RFX3: variants seen among roughly 807,000 people sequenced by gnomAD.
RFX3 encodes the protein regulatory factor X3.
RFX3 carries 14 observed loss-of-function variants against 98.6 expected under a neutral mutation model. The observed-to-expected ratio is 0.14, with a 90% CI of 0.09 to 0.22. The LOEUF is 0.22. RFX3 is among the 10% of genes least tolerant of loss of function. The pLI is 1.00. For synonymous variants in RFX3, 383 were observed against 328.4 expected (o/e 1.17, Z -1.80); for missense variants, 639 against 926.9 (o/e 0.69, Z 4.03).
chr9:3,265,611 C>G (rs151176185), intron 12 of RFX3, among the ~76,000 whole-genome samples: 6 of 152,228 alleles, frequency 3.9e-5, no homozygotes, highest in Middle Eastern at 6.8e-3. Flanking sequence ...AGCAGCATGG[C>G]TAGTAGGAGA....
At chr9:3,430,998 AAG>A (rs1429399859) in intron 1 of RFX3, among the ~76,000 whole-genome samples, 1 of 152,234 alleles carries the variant, frequency 6.6e-6, no homozygotes, top group Non-Finnish European at 1.5e-5. Context: ...ATTTGCAGTC[AAG>A]AGAAGTGTAA....
chr9:3,278,651 A>T (rs1236345562), intron 7 of RFX3, among the ~76,000 whole-genome samples: 1 of 151,880 alleles, frequency 6.6e-6, no homozygotes, highest in Non-Finnish European at 1.5e-5. Context: ...GTAGAACATC[A>T]TACAAACTAA....
In RFX3 at chr9:3,348,712, T is replaced by A. The variant is rs539407619; in HGVS notation, c.118-1948A>T. 6.0e-4 allele frequency among the ~76,000 whole-genome samples: 92 copies of A among 152,230 alleles called. No individual in the cohort carries two copies. In the South Asian group the frequency reaches 0.018, roughly 30 times the overall value. On this transcript the variant is annotated intron_variant, in intron 2 of 16. Transcript: ENST00000617270. ...TCGGTGTGGTTTTTTATTTTGTTTT[T>A]GTTTGTATCCTTACGATTCTCAGCT...
intron 1 of RFX3, among the ~76,000 whole-genome samples, chr9:3,478,157 T>C (rs951008275): frequency 3.9e-5 from 6 of 152,164 alleles, no homozygotes; most frequent in African/African-American, 1.4e-4. Flanking sequence ...ACTTTTTTTG[T>C]TCGTTTTTTA....
chr9:3,356,200 A>G (rs909906184), intron 2 of RFX3, among the ~76,000 whole-genome samples: 52 of 116,498 alleles, frequency 4.5e-4, no homozygotes, highest in African/African-American at 3.3e-4. Flanking sequence ...AAGGAAGGAA[A>G]GAAGGAAAGA....
chr9:3,367,564 T>C (rs145966337), intron 2 of RFX3, among the ~76,000 whole-genome samples: 3 of 152,302 alleles, frequency 2.0e-5, no homozygotes, highest in African/African-American at 7.2e-5. Flanking sequence ...TGTAATTTGA[T>C]ACACAGCAAG....
chr9:3,233,526 G>A (rs1818753115), intron 15 of RFX3, among the ~76,000 whole-genome samples: 1 of 152,124 alleles, frequency 6.6e-6, no homozygotes, highest in South Asian at 2.1e-4. Context: ...AAACAGGTGG[G>A]GATCCATGGT....
chr9:3,385,529 G>A (rs552371027), intron 2 of RFX3, among the ~76,000 whole-genome samples: 2 of 151,824 alleles, frequency 1.3e-5, no homozygotes, highest in South Asian at 2.1e-4. Flanking sequence ...CCAACATGGT[G>A]AAACCCCGTC....
intron 2 of RFX3, among the ~76,000 whole-genome samples, chr9:3,369,246 G>C (rs994428101): frequency 6.6e-6 from 1 of 152,216 alleles, no homozygotes; most frequent in Admixed American, 6.5e-5. Flanking sequence ...GATCAAGGCA[G>C]ATTCAACGTT....
At chr9:3,300,810 G>A (rs1828559847) in intron 5 of RFX3, among the ~76,000 whole-genome samples, 1 of 151,708 alleles carries the variant, frequency 6.6e-6, no homozygotes, top group South Asian at 2.1e-4. Context: ...CATTTTCATT[G>A]GTTTCCCACA....
chr9:3,302,875 G>C (rs1419208241), intron 4 of RFX3, among the ~76,000 whole-genome samples: 1 of 151,684 alleles, frequency 6.6e-6, no homozygotes, highest in East Asian at 1.9e-4. Flanking sequence ...GAAGTTAATA[G>C]CTTTAATTTT....
rs748693786 is a variant in RFX3, at chr9:3,424,348, C to CTTTTTTT, written c.-8-28759_-8-28753dup. Among the ~76,000 whole-genome samples, 15 of 76,006 alleles carry CTTTTTTT rather than the reference C, an allele frequency of 2.0e-4. 4 individuals are homozygous for CTTTTTTT. Among genetic ancestry groups the CTTTTTTT allele is most frequent in the African/African-American group, 2.6e-4 (4 of 15,420 alleles). 49.9% of individuals were successfully genotyped at this position (76,006 alleles called of 152,430 possible). A position where few individuals can be genotyped will look rare whatever the true frequency, so the allele number is the denominator to read the frequency against. On this transcript the variant is annotated intron_variant, in intron 1 of 16. Transcript: ENST00000617270. ...AGAGTCACTGTAATTACATAATTGA[C>CTTTTTTT]TTTTTTTTTTTTTTTTTTTTTTTTT...
chr9:3,388,144 T>C (rs544483881), intron 2 of RFX3, among the ~76,000 whole-genome samples: 3 of 152,236 alleles, frequency 2.0e-5, no homozygotes, highest in South Asian at 4.1e-4. Flanking sequence ...ACTCAGAATA[T>C]GGCAAACAGA....
chr9:3,277,216 A>T (rs771648474), intron 8 of RFX3, 124 bp downstream of exon 8: 1 of 882,170 alleles, frequency 1.1e-6, no homozygotes, highest in Non-Finnish European at 1.8e-6. Context: ...TATGATGTGC[A>T]TAATTTTGGC....
chr9:3,432,863 T>C (rs558209074), intron 1 of RFX3, among the ~76,000 whole-genome samples: 131 of 152,142 alleles, frequency 8.6e-4, no homozygotes, highest in Non-Finnish European at 1.4e-3. Flanking sequence ...AAGTAAACAG[T>C]GGAAGAAGGG....
intron 1 of RFX3, among the ~76,000 whole-genome samples, chr9:3,439,197 T>C (rs990282090): frequency 6.6e-6 from 1 of 151,938 alleles, no homozygotes; most frequent in Non-Finnish European, 1.5e-5. Context: ...AAATTTATAC[T>C]ACTAAATATC....
intron 4 of RFX3, among the ~76,000 whole-genome samples, chr9:3,328,905 C>G (rs1213989998): frequency 2.0e-5 from 3 of 152,130 alleles, no homozygotes; most frequent in African/African-American, 7.2e-5. Context: ...TGGGATACAT[C>G]TCCTTAATTC....
chr9:3,379,896 ATTTATTT>A (rs1409241645), intron 2 of RFX3, among the ~76,000 whole-genome samples: 1 of 116,288 alleles, frequency 8.6e-6, no homozygotes, highest in African/African-American at 3.5e-5. Flanking sequence ...TTATTTATTT[ATTTATTT>A]ATTTATTTAT....
At chr9:3,289,533 G>T (rs1230461032) in intron 6 of RFX3, among the ~76,000 whole-genome samples, 1 of 152,114 alleles carries the variant, frequency 6.6e-6, no homozygotes, top group Non-Finnish European at 1.5e-5. Context: ...GGACAGTAGG[G>T]AGTAGAGGTA....
Sources: gnomAD v4.1 joint callset for allele counts (sites outside exome capture counted in the v4.1 genomes callset) on GRCh38, gnomAD v4.1.1 for gene constraint, MANE v1.5 for transcripts, NCBI Gene and HGNC (gene_info 2026-07-23, HGNC 2026-07-21) for gene names.